SLC35F3: variants seen among roughly 807,000 people sequenced by gnomAD.
SLC35F3 encodes the protein solute carrier family 35 member F3.
A neutral mutation model predicts 49.9 loss-of-function variants in SLC35F3; 25 were observed. The ratio of observed to expected loss-of-function variants is 0.50; its 90% CI spans 0.37 to 0.70. SLC35F3 has a LOEUF of 0.70. Among genes scored for constraint, SLC35F3 ranks in the 30% least tolerant of loss-of-function variants. The pLI, the probability that SLC35F3 is intolerant of heterozygous loss-of-function variation, is 0.00. For synonymous variants in SLC35F3, 275 were observed against 265.4 expected (o/e 1.04, Z -0.35); for missense variants, 525 against 639.8 (o/e 0.82, Z 1.94).
At chr1:234,282,522 T>C (rs1434551045) in intron 3 of SLC35F3, among the ~76,000 whole-genome samples, 2 of 152,226 alleles carry the variant, frequency 1.3e-5, no homozygotes, top group Non-Finnish European at 2.9e-5. Flanking sequence ...TTAGCCTTGC[T>C]GGGGAGGGCC....
At chr1:234,228,292 G>A (rs1420200529) in intron 2 of SLC35F3, among the ~76,000 whole-genome samples, 3 of 152,150 alleles carry the variant, frequency 2.0e-5, no homozygotes, top group African/African-American at 4.8e-5. Flanking sequence ...CCAAGACCCA[G>A]GCCAACCACC....
intron 2 of SLC35F3, among the ~76,000 whole-genome samples, chr1:234,197,188 A>G (rs1396698567): frequency 6.6e-6 from 1 of 152,230 alleles, no homozygotes; most frequent in Non-Finnish European, 1.5e-5. Context: ...TAACTGGTGC[A>G]TATCAAAGTT....
intron 2 of SLC35F3, among the ~76,000 whole-genome samples, chr1:233,925,651 A>T (rs1319692864): frequency 6.6e-6 from 1 of 152,116 alleles, no homozygotes; most frequent in Non-Finnish European, 1.5e-5. Flanking sequence ...TAATATTGTT[A>T]TGTGTGAATT....
In SLC35F3 at chr1:233,905,134, A is replaced by G; in HGVS notation, c.53+4A>G. On this transcript the variant is annotated splice_donor_region_variant and intron_variant, in intron 1 of 7. Transcript: ENST00000366618. ...CCAGGGGCAAGAGCATTGCCGTGTG[A>G]GTAGCGCCCCGGGCGTGGGTGAGCG... The G allele has an allele frequency of 6.4e-7, 1 of 1,555,028 alleles. No homozygotes were observed. The highest frequency in any genetic ancestry group is 1.2e-5 in the South Asian group (1 of 84,316).
At chr1:234,242,982 A>T (rs1020410248) in intron 3 of SLC35F3, among the ~76,000 whole-genome samples, 1 of 152,218 alleles carries the variant, frequency 6.6e-6, no homozygotes, top group African/African-American at 2.4e-5. Context: ...CAAAATGGAG[A>T]CAGGCTTATC....
rs530053679 is a variant in SLC35F3, at chr1:233,908,683, C to A, written c.283+2925C>A. 1.5e-4 allele frequency among the ~76,000 whole-genome samples: 23 copies of A among 151,078 alleles called. No homozygotes were observed. The South Asian group carries it at 4.6e-3, about 30-fold the overall frequency. On this transcript the variant is annotated intron_variant, in intron 2 of 7. Coordinates refer to ENST00000366618, the MANE Select transcript of SLC35F3 (RefSeq NM_173508.4). ...CAGCCTTCTGAGTAGCTGGGACTAG[C>A]ACCACCATGCCTGGCTAATTTTTTG...
rs79064304 is a variant in SLC35F3 at position 234,290,671 on chromosome 1, A to T, written c.609-18430A>T. 4.0e-3 allele frequency among the ~76,000 whole-genome samples: 614 copies of T among 152,310 alleles called. 4 individuals are homozygous for T. The highest frequency in any genetic ancestry group is 0.014 in the African/African-American group (594 of 41,560). On this transcript the variant is annotated intron_variant, in intron 3 of 7. Transcript: ENST00000366618. ...GGCCGCAGCCTCTGACTGCAAGGGC[A>T]CTCATCAGGACCACTTAGAAAATTA...
At chr1:233,958,992 A>G (rs191464149) in intron 2 of SLC35F3, among the ~76,000 whole-genome samples, 1 of 152,350 alleles carries the variant, frequency 6.6e-6, no homozygotes, top group East Asian at 1.9e-4. Context: ...CAGATGCCTC[A>G]GAAAACACCA....
chr1:234,316,387 A>G (rs1657489871), intron 4 of SLC35F3, among the ~76,000 whole-genome samples: 1 of 152,222 alleles, frequency 6.6e-6, no homozygotes, highest in Non-Finnish European at 1.5e-5. Flanking sequence ...TCTTTGGTCA[A>G]GCCAAGCTTT....
chr1:234,026,624 T>C (rs1323859386), intron 2 of SLC35F3, among the ~76,000 whole-genome samples: 1 of 152,096 alleles, frequency 6.6e-6, no homozygotes, highest in Non-Finnish European at 1.5e-5. Flanking sequence ...GGCTTACACC[T>C]ATAATCCCCA....
chr1:234,231,670 A>C lies in SLC35F3; in HGVS notation c.537A>C (p.Leu179Phe), dbSNP rs754132191. The C allele has an allele frequency of 6.2e-7, 1 of 1,614,062 alleles. No individual in the cohort carries two copies. Among genetic ancestry groups the C allele is most frequent in the Non-Finnish European group, 8.5e-7 (1 of 1,179,982 alleles). The change falls in exon 3 of 8, where the codon TTA becomes TTC. Residue 179 changes from leucine to phenylalanine, a missense_variant. This residue lies in a region of SLC35F3 where 216 missense variants were observed against 298.1 expected (regional missense o/e 0.72). Transcript: ENST00000366618. The surrounding 1 kb of genome is among the most constrained non-coding windows in gnomAD (Gnocchi z 5.4). ...GGTTTGCCACCAACTGGAACTTTTT[A>C]TTCTTCCCGTTGTACTACGTGGGGC... Reference protein sequence around the residue: ...LTWFATNWNFLFFPLYYVGHV... With the variant: ...LTWFATNWNFFFFPLYYVGHV...
chr1:234,106,691 C>T (rs1665289040), intron 2 of SLC35F3, among the ~76,000 whole-genome samples: 1 of 152,218 alleles, frequency 6.6e-6, no homozygotes, highest in African/African-American at 2.4e-5. Context: ...AGGGTTAAGG[C>T]TTCAATATAT....
At chr1:234,319,277 T>C (rs1657560107) in intron 6 of SLC35F3, among the ~76,000 whole-genome samples, 1 of 152,142 alleles carries the variant, frequency 6.6e-6, no homozygotes, top group Admixed American at 6.5e-5. Flanking sequence ...GCCTGATAAG[T>C]GTCAATATTC....
At chr1:234,247,382 C>T (rs1667649904) in intron 3 of SLC35F3, among the ~76,000 whole-genome samples, 1 of 151,970 alleles carries the variant, frequency 6.6e-6, no homozygotes, top group African/African-American at 2.4e-5. Context: ...TTGGCTGGTC[C>T]ATTTTTAGGT....
At position 233,984,734 on chromosome 1, in the gene SLC35F3, TG is replaced by T. The variant is rs138536893; in HGVS notation, c.283+78977del. Among the ~76,000 whole-genome samples, 606 of 152,302 alleles carry T rather than the reference TG, an allele frequency of 4.0e-3. 23 individuals are homozygous for T. In the East Asian group the frequency reaches 0.1, roughly 25 times the overall value. Reference sequence around the variant, plus strand: ...TAGAACAAAGAATGGCAGTCAGAGTTGCGTCCTCAGTTTCCCCTTAGCTGAG... The same window carrying T: ...TAGAACAAAGAATGGCAGTCAGAGTTCGTCCTCAGTTTCCCCTTAGCTGAG... On this transcript the variant is annotated intron_variant, in intron 2 of 7. Coordinates refer to ENST00000366618, the MANE Select transcript of SLC35F3 (RefSeq NM_173508.4).
At chr1:234,306,123 T>C (rs1369616063) in intron 3 of SLC35F3, among the ~76,000 whole-genome samples, 1 of 152,216 alleles carries the variant, frequency 6.6e-6, no homozygotes, top group East Asian at 1.9e-4. Flanking sequence ...AGGACGTACA[T>C]GGGCCAGCCA....
chr1:233,904,713 G>A lies in SLC35F3; in HGVS notation c.-365G>A, dbSNP rs1185686929. 2.0e-5 allele frequency among the ~76,000 whole-genome samples: 3 copies of A among 151,860 alleles called. No individual in the cohort carries two copies. Among genetic ancestry groups the A allele is most frequent in the African/African-American group, 4.8e-5 (2 of 41,416 alleles). On this transcript the variant is annotated 5_prime_UTR_variant, in exon 1 of 8. Coordinates refer to ENST00000366618, the MANE Select transcript of SLC35F3 (RefSeq NM_173508.4). ...CCCCGCCCGACCAGGTGCCTCGAGAGCGCACAGCTGGGAGGGCTCTCCCGG... is the reference window on the plus strand; with the variant it reads ...CCCCGCCCGACCAGGTGCCTCGAGAACGCACAGCTGGGAGGGCTCTCCCGG...
chr1:234,041,028 C>G (rs1664212506), intron 2 of SLC35F3, among the ~76,000 whole-genome samples: 1 of 152,172 alleles, frequency 6.6e-6, no homozygotes, highest in South Asian at 2.1e-4. Flanking sequence ...AACACATGTG[C>G]TATCTCTGCA....
intron 2 of SLC35F3, among the ~76,000 whole-genome samples, chr1:234,056,074 A>G (rs1427938639): frequency 2.0e-5 from 3 of 152,208 alleles, no homozygotes; most frequent in Non-Finnish European, 4.4e-5. Flanking sequence ...TGCATTAGCC[A>G]GAATCTCCTG....
Sources: allele counts gnomAD v4.1 joint callset (sites outside exome capture counted in the v4.1 genomes callset), GRCh38; gene constraint gnomAD v4.1.1; regional missense constraint gnomAD v4.1.1; non-coding constraint Gnocchi (gnomAD v3.1); transcripts MANE v1.5; gene names NCBI Gene and HGNC (gene_info 2026-07-23, HGNC 2026-07-21).